The following KLHL10 variants were observed in gnomAD, a reference collection of about 807,000 sequenced individuals.
The protein encoded by KLHL10 is kelch like family member 10.
A neutral mutation model predicts 46.6 loss-of-function variants in KLHL10; 11 were observed. The ratio of observed to expected loss-of-function variants is 0.24; its 90% CI spans 0.15 to 0.39. The LOEUF is 0.39. Ranked by LOEUF, KLHL10 falls within the 10% of genes least tolerant of loss-of-function variation. The pLI is 1.00. For missense variants in KLHL10, 475 were observed against 789.8 expected, an observed-to-expected ratio of 0.60 and a Z score of 4.78; for synonymous variants, 254 against 279.1, an observed-to-expected ratio of 0.91 and a Z score of 0.90.
chr17:41,846,767 A>G (rs1555621467), intron 3 of KLHL10, among the ~76,000 whole-genome samples: 1 of 152,118 alleles, frequency 6.6e-6, no homozygotes, highest in Admixed American at 6.6e-5. Flanking sequence ...GTGAGCCGGG[A>G]TAGCTCCACT....
At position 41,837,938 on chromosome 17, in the gene KLHL10, G is replaced by C. The variant is rs782407962; in HGVS notation, c.6G>C (p.Glu2Asp). The change falls in exon 1 of 5, where the codon GAG (glutamate) becomes GAC (aspartate). Residue 2 changes from glutamate to aspartate, a missense_variant. Glu to Asp is a conservative substitution (Grantham distance 45). Coordinates refer to ENST00000293303, the MANE Select transcript of KLHL10 (RefSeq NM_152467.5). M[E>D]MESAAASTRF... ...CTCCGCTGTCCCAGGGTGCCATGGA[G>C]ATGGAGAGCGCGGCGGCCTCCACAC... The C allele has an allele frequency of 6.2e-7, 1 of 1,613,692 alleles. No individual in the cohort carries two copies. The highest frequency in any genetic ancestry group is 8.5e-7 in the Non-Finnish European group (1 of 1,180,024).
At chr17:41,845,894 A>G in intron 3 of KLHL10, 151 bp downstream of exon 3, 1 of 1,010,578 alleles carries the variant, frequency 9.9e-7, no homozygotes, top group Non-Finnish European at 1.5e-6. Flanking sequence ...ACTAGTTGCA[A>G]CTGTCTTTTA....
At chr17:41,847,857 G>A in intron 4 of KLHL10, 76 bp from the exon 5 acceptor site, 1 of 1,577,346 alleles carries the variant, frequency 6.3e-7, no homozygotes, top group Admixed American at 1.7e-5. Flanking sequence ...GAGATCACTG[G>A]TACCCCCAAC....
rs1376280058 is a variant in KLHL10 at position 41,845,188 on chromosome 17, C to G, written c.747C>G (p.Val249=). The G allele has an allele frequency of 6.2e-7, 1 of 1,614,142 alleles. No homozygotes were observed. The highest frequency in any genetic ancestry group is 2.2e-5 in the East Asian group (1 of 44,888). ...FMNNVKMNDY[V]KDSEECKPVI... ...ACAATGTTAAGATGAATGACTATGT[C>G]AAAGACAGTGAGGAATGCAAACCAG... Residue 249 remains valine (V), a synonymous_variant, in exon 3 of 5, where the codon GTC becomes GTG. Transcript: ENST00000293303.
intron 4 of KLHL10, among the ~76,000 whole-genome samples, chr17:41,847,645 A>G (rs1018050442): frequency 6.6e-5 from 10 of 152,126 alleles, no homozygotes; most frequent in East Asian, 3.9e-4. Flanking sequence ...AGCTGGGACT[A>G]CCGGCACCCG....
At chr17:41,844,542 ATTTTTTTTTTT>A (rs369578859) in intron 2 of KLHL10, among the ~76,000 whole-genome samples, 3 of 115,342 alleles carry the variant, frequency 2.6e-5, no homozygotes, top group Non-Finnish European at 5.2e-5. Flanking sequence ...TGGTTTTTGT[ATTTTTTTTTTT>A]TTTTTTTTTT....
chr17:41,846,192 A>G (rs1555621400), intron 3 of KLHL10, among the ~76,000 whole-genome samples: 1 of 151,166 alleles, frequency 6.6e-6, no homozygotes, highest in Non-Finnish European at 1.5e-5. Flanking sequence ...AGCCCGGGCG[A>G]CAGTGCAAGA....
In KLHL10 at chr17:41,842,037, T is replaced by C; in HGVS notation, c.409T>C (p.Cys137Arg). ...CTGCGAGTTCCTCAAGTCAGAGCTG[T>C]GCTTGGATAATTGTATCGGCATCTG... ...GCCEFLKSEL[C>R]LDNCIGICKF... Residue 137 changes from cysteine (C) to arginine (R), a missense_variant, in exon 2 of 5, where the codon TGC becomes CGC. Transcript: ENST00000293303. 2 of 1,614,178 alleles carry C rather than the reference T, an allele frequency of 1.2e-6. No individual in the cohort carries two copies. The highest frequency in any genetic ancestry group is 1.1e-5 in the South Asian group (1 of 91,080).
At chr17:41,835,880 C>G (rs1555619865), upstream of KLHL10, 1 of 1,609,304 alleles carries the variant, frequency 6.2e-7, no homozygotes, top group South Asian at 1.1e-5. Context: ...CTCCGCCGCC[C>G]TTGCGGAGGG....
chr17:41,841,461 T>C (rs2048225662), intron 1 of KLHL10, among the ~76,000 whole-genome samples: 1 of 152,118 alleles, frequency 6.6e-6, no homozygotes, highest in African/African-American at 2.4e-5. Flanking sequence ...ACTACAGGCA[T>C]GTGCCACCAT....
chr17:41,846,193 C>A (rs782791080), intron 3 of KLHL10, among the ~76,000 whole-genome samples: 1 of 150,694 alleles, frequency 6.6e-6, no homozygotes, highest in East Asian at 2.0e-4. Context: ...GCCCGGGCGA[C>A]AGTGCAAGAC....
chr17:41,845,155 C>T lies in KLHL10; in HGVS notation c.714C>T (p.Tyr238=), dbSNP rs1555621154. ...KVRLALMHAE[Y]FMNNVKMNDY... is the part of the protein sequence containing the mutation. ...GCCTGGCCCTAATGCATGCTGAGTACTTCATGAACAATGTTAAGATGAATG... is the reference window on the plus strand; with the variant it reads ...GCCTGGCCCTAATGCATGCTGAGTATTTCATGAACAATGTTAAGATGAATG... The change falls in exon 3 of 5, where the codon TAC becomes TAT. Residue 238 remains tyrosine (Y), a synonymous_variant. Coordinates refer to ENST00000293303, the MANE Select transcript of KLHL10 (RefSeq NM_152467.5). 1 of 1,614,212 alleles carries T rather than the reference C, an allele frequency of 6.2e-7. No individual in the cohort carries two copies. The highest frequency in any genetic ancestry group is 8.5e-7 in the Non-Finnish European group (1 of 1,180,042).
At chr17:41,835,779 G>T, upstream of KLHL10, 1 of 1,349,736 alleles carries the variant, frequency 7.4e-7, no homozygotes, top group Non-Finnish European at 1.0e-6. Context: ...CCGCGGCAGA[G>T]CAAAGCGGGA....
At chr17:41,837,822 C>A, upstream of KLHL10, 1 of 1,573,656 alleles carries the variant, frequency 6.4e-7, no homozygotes. Flanking sequence ...CCTGATAGAC[C>A]CTATACAAAA....
rs1163494467 is a variant in KLHL10 at position 41,842,182 on chromosome 17, A to C, written c.554A>C (p.Glu185Ala). The C allele has an allele frequency of 6.2e-7, 1 of 1,614,196 alleles. No homozygotes were observed. Among genetic ancestry groups the C allele is most frequent in the African/African-American group, 1.3e-5 (1 of 75,050 alleles). The change falls in exon 2 of 5, where the codon GAA becomes GCA. Residue 185 changes from glutamate to alanine, a missense_variant. Coordinates refer to ENST00000293303, the MANE Select transcript of KLHL10 (RefSeq NM_152467.5). Reference protein sequence around the residue: ...SAEFLELSVTELKDIIEKDEL... With the variant: ...SAEFLELSVTALKDIIEKDEL... ...GAATTTTTAGAGCTCTCGGTCACTG[A>C]ACTTAAGGATATCATTGAGAAAGAT...
At chr17:41,835,732 T>C (rs1597927434), upstream of KLHL10, 1 of 998,728 alleles carries the variant, frequency 1.0e-6, no homozygotes, top group South Asian at 1.4e-5. Flanking sequence ...TCCTTCAAGC[T>C]CCCGGCCATT....
At position 41,841,825 on chromosome 17, in the gene KLHL10, C is replaced by T. The variant is rs1555620761; in HGVS notation, c.197C>T (p.Ala66Val). 1 of 1,613,940 alleles carries T rather than the reference C, an allele frequency of 6.2e-7. No individual in the cohort carries two copies. The highest frequency in any genetic ancestry group is 8.5e-7 in the Non-Finnish European group (1 of 1,180,022). Reference protein sequence around the residue: ...ILCSCSSYFRALFTSGWNNTE... With the variant: ...ILCSCSSYFRVLFTSGWNNTE... Reference sequence around the variant, plus strand: ...GCTAGTTTCTTTCTTTTTTCCAGAGCTTTGTTTACAAGTGGCTGGAACAAC... The same window carrying T: ...GCTAGTTTCTTTCTTTTTTCCAGAGTTTTGTTTACAAGTGGCTGGAACAAC... Residue 66 changes from alanine (A) to valine (V), a missense_variant and splice_region_variant, in exon 2 of 5, where the codon GCT becomes GTT. Transcript: ENST00000293303.
At chr17:41,847,688 G>A (rs2048304274) in intron 4 of KLHL10, among the ~76,000 whole-genome samples, 1 of 152,112 alleles carries the variant, frequency 6.6e-6, no homozygotes, top group African/African-American at 2.4e-5. Flanking sequence ...TGTATTTTTA[G>A]TAGAGACAGG....
At chr17:41,839,263 T>G (rs1043983735) in intron 1 of KLHL10, among the ~76,000 whole-genome samples, 8 of 152,240 alleles carry the variant, frequency 5.3e-5, no homozygotes, top group Admixed American at 5.2e-4. Context: ...GTGCTGGGAT[T>G]ACAGGCATGA....
Sources: gnomAD v4.1 joint callset for allele counts (sites outside exome capture counted in the v4.1 genomes callset) on GRCh38, gnomAD v4.1.1 for gene constraint, MANE v1.5 for transcripts, NCBI Gene and HGNC (gene_info 2026-07-23, HGNC 2026-07-21) for gene names.